The following CAPN2 variants were observed in gnomAD, a reference collection of about 807,000 sequenced individuals.
CAPN2 encodes calpain-2 catalytic subunit.
A neutral mutation model predicts 102.3 loss-of-function variants in CAPN2; 92 were observed. The ratio of observed to expected loss-of-function variants is 0.90; its 90% CI spans 0.76 to 1.07. The LOEUF is 1.07. Ranked by LOEUF, CAPN2 falls within the 50% of genes least tolerant of loss-of-function variation. The pLI is 0.00. For missense variants in CAPN2, 800 were observed against 909.4 expected (o/e 0.88, Z 1.55); for synonymous variants, 340 against 355.4 (o/e 0.96, Z 0.49).
upstream of CAPN2, among the ~76,000 whole-genome samples, chr1:223,712,167 G>C (rs1204419862): frequency 2.6e-5 from 4 of 152,208 alleles, no homozygotes; most frequent in Admixed American, 2.6e-4. Context: ...TTGGCACAAA[G>C]TTCAGGGCAG....
intron 6 of CAPN2, 30 bp from the exon 7 acceptor site, chr1:223,750,860 C>T (rs1660868170): frequency 6.5e-7 from 1 of 1,547,262 alleles, no homozygotes; most frequent in Non-Finnish European, 8.7e-7. Flanking sequence ...AACTCAACCT[C>T]TTACTCCTCC....
chr1:223,737,702 CG>C (rs1558066398), intron 2 of CAPN2, among the ~76,000 whole-genome samples: 1 of 7,620 alleles, frequency 1.3e-4, no homozygotes, highest in Non-Finnish European at 4.8e-4. Context: ...CCAAAAGAGA[CG>C]GGGCGGGGGG....
At chr1:223,773,288 G>A (rs1197257446) in intron 20 of CAPN2, 1 of 152,248 alleles carries the variant, frequency 6.6e-6, no homozygotes, top group East Asian at 1.9e-4. Context: ...TGGCCGCAGT[G>A]GTTCATGCCT....
intron 6 of CAPN2, among the ~76,000 whole-genome samples, chr1:223,750,027 GC>G (rs1222161000): frequency 6.6e-6 from 1 of 152,012 alleles, no homozygotes; most frequent in Non-Finnish European, 1.5e-5. Context: ...AAATTATCAA[GC>G]AACTCAAGTT....
rs531511875 is a variant in CAPN2 at position 223,757,514 on chromosome 1, G to C, written c.1317+134G>C. The C allele has an allele frequency of 5.4e-4, 512 of 940,048 alleles. 4 individuals carry two copies. Among genetic ancestry groups the C allele is most frequent in the Non-Finnish European group, 7.5e-4 (439 of 584,942 alleles). 58.2% of individuals were successfully genotyped at this position (940,048 alleles called of 1,614,324 possible). Reference sequence around the variant, plus strand: ...GAAGGATGAGTCCTGGCCACCCCTGGGGCCCTGCTGAAGTTGCCCAGGCTC... The same window carrying C: ...GAAGGATGAGTCCTGGCCACCCCTGCGGCCCTGCTGAAGTTGCCCAGGCTC... On this transcript the variant is annotated intron_variant, in intron 11 of 20. Transcript: ENST00000295006.
chr1:223,712,341 C>A, upstream of CAPN2: 1 of 641,822 alleles, frequency 1.6e-6, no homozygotes, highest in Non-Finnish European at 2.0e-6. Context: ...GCCTCCCCGG[C>A]GCCGGGCCGC....
chr1:223,768,479 T>TATCAAC (rs1661392678), intron 16 of CAPN2, among the ~76,000 whole-genome samples: 1 of 152,176 alleles, frequency 6.6e-6, no homozygotes, highest in Non-Finnish European at 1.5e-5. Flanking sequence ...TTTCTCAGGT[T>TATCAAC]TATCAAAGAT....
chr1:223,774,354 AT>A (rs1178424166), intron 20 of CAPN2, among the ~76,000 whole-genome samples: 2 of 152,190 alleles, frequency 1.3e-5, no homozygotes, highest in African/African-American at 2.4e-5. Context: ...GTCTGCAGGG[AT>A]TTCAACCTTG....
At chr1:223,762,905 T>C (rs1661222988) in intron 14 of CAPN2, among the ~76,000 whole-genome samples, 1 of 152,062 alleles carries the variant, frequency 6.6e-6, no homozygotes, top group African/African-American at 2.4e-5. Flanking sequence ...CCCAGGCTGC[T>C]CTGGAACTCC....
At chr1:223,745,194 C>A in intron 3 of CAPN2, 112 bp from the exon 4 acceptor site, 1 of 1,427,438 alleles carries the variant, frequency 7.0e-7, no homozygotes, top group Non-Finnish European at 9.6e-7. Context: ...CCAGGATGCG[C>A]TCATGGAACC....
In CAPN2 at chr1:223,774,891, A is replaced by G. The variant is rs1273880877; in HGVS notation, c.*34A>G. On this transcript the variant is annotated 3_prime_UTR_variant, in exon 21 of 21. Coordinates refer to ENST00000295006, the MANE Select transcript of CAPN2 (RefSeq NM_001748.5). Reference sequence around the variant, plus strand: ...CTAATCTGCCTGAAGACTTCTCATGATGGAAAATCAGCCAAGGACTAAGCT... The same window carrying G: ...CTAATCTGCCTGAAGACTTCTCATGGTGGAAAATCAGCCAAGGACTAAGCT... 2.5e-6 allele frequency: 4 copies of G among 1,595,246 alleles called. No individual in the cohort carries two copies. Among genetic ancestry groups the G allele is most frequent in the Non-Finnish European group, 3.4e-6 (4 of 1,164,192 alleles).
In CAPN2 at chr1:223,725,504, G is replaced by T. The variant is rs1342247782; in HGVS notation, c.307+7673G>T. Among the ~76,000 whole-genome samples, 4 of 152,194 alleles carry T rather than the reference G, an allele frequency of 2.6e-5. No individual in the cohort carries two copies. Among genetic ancestry groups the T allele is most frequent in the Admixed American group, 2.6e-4 (4 of 15,268 alleles). ...AAGGTTTAATCCATGCAGATTGCAC[G>T]TTCTCTTTGGGGACAGTACAGCTGG... On this transcript the variant is annotated intron_variant, in intron 2 of 20. Coordinates refer to ENST00000295006, the MANE Select transcript of CAPN2 (RefSeq NM_001748.5). The surrounding 1 kb of genome is among the most constrained non-coding windows in gnomAD (Gnocchi z 4.1).
intron 2 of CAPN2, among the ~76,000 whole-genome samples, chr1:223,728,129 A>G (rs996376219): frequency 1.3e-5 from 2 of 152,076 alleles, no homozygotes; most frequent in Admixed American, 1.3e-4. Flanking sequence ...ACCTGTATCT[A>G]GTGTGTAACA....
intron 1 of CAPN2, among the ~76,000 whole-genome samples, chr1:223,705,365 C>T (rs796906951): frequency 2.6e-5 from 4 of 152,224 alleles, no homozygotes; most frequent in Non-Finnish European, 5.9e-5. Context: ...AAATGACATA[C>T]TGACCACCAT....
chr1:223,765,711 T>TAAG (rs28370144), intron 15 of CAPN2, among the ~76,000 whole-genome samples: 82,480 of 151,846 alleles, frequency 0.54, 23,118 homozygotes, highest in African/African-American at 0.67. Flanking sequence ...TATGACCATC[T>TAAG]AAGGGGTTGG....
At chr1:223,722,522 C>T (rs962510117) in intron 2 of CAPN2, among the ~76,000 whole-genome samples, 2 of 151,904 alleles carry the variant, frequency 1.3e-5, no homozygotes, top group Admixed American at 6.6e-5. Flanking sequence ...AGTTCCTGGG[C>T]TCAAGCAATC....
intron 19 of CAPN2, 61 bp from the exon 20 acceptor site, chr1:223,772,120 A>G (rs968552604): frequency 6.7e-7 from 1 of 1,488,418 alleles, no homozygotes; most frequent in Non-Finnish European, 9.4e-7. Flanking sequence ...AACTGAAAAG[A>G]GGATAATGTG....
At chr1:223,774,339 G>A (rs959324279) in intron 20 of CAPN2, among the ~76,000 whole-genome samples, 10 of 152,150 alleles carry the variant, frequency 6.6e-5, no homozygotes, top group African/African-American at 1.2e-4. Context: ...GAAGCTCTCC[G>A]TTCAGTCTGC....
chr1:223,702,605 G>C (rs1659512486), intron 1 of CAPN2, among the ~76,000 whole-genome samples: 1 of 152,106 alleles, frequency 6.6e-6, no homozygotes, highest in Non-Finnish European at 1.5e-5. Flanking sequence ...CCATAGAAAA[G>C]TCTCCTCTGT....
Sources: allele counts gnomAD v4.1 joint callset (sites outside exome capture counted in the v4.1 genomes callset), GRCh38; gene constraint gnomAD v4.1.1; non-coding constraint Gnocchi (gnomAD v3.1); transcripts MANE v1.5; gene names NCBI Gene and HGNC (gene_info 2026-07-23, HGNC 2026-07-21).